Variants in CNNM2 observed in about 807,000 individuals in gnomAD.
CNNM2 encodes the protein cyclin and CBS domain divalent metal cation transport mediator 2, also known as metal transporter CNNM2.
CNNM2 carries 12 observed loss-of-function variants against 66.9 expected under a neutral mutation model. The ratio of observed to expected loss-of-function variants is 0.18; its 90% CI spans 0.11 to 0.29. The LOEUF is 0.29. Ranked by LOEUF, CNNM2 falls within the 10% of genes least tolerant of loss-of-function variation. CNNM2 has a pLI of 1.00. For synonymous variants in CNNM2, 557 were observed against 501.8 expected, an observed-to-expected ratio of 1.11 and a Z score of -1.47; for missense variants, 705 against 1,167.7, an observed-to-expected ratio of 0.60 and a Z score of 5.77.
intron 1 of CNNM2, among the ~76,000 whole-genome samples, chr10:103,026,128 C>G (rs1411301662): frequency 6.6e-6 from 1 of 152,232 alleles, no homozygotes; most frequent in Non-Finnish European, 1.5e-5. Flanking sequence ...CTCAATCTTG[C>G]ACTTCCCAGC....
chr10:102,947,140 T>C (rs1035601883), intron 1 of CNNM2, among the ~76,000 whole-genome samples: 2 of 152,192 alleles, frequency 1.3e-5, no homozygotes, highest in Admixed American at 1.3e-4. Flanking sequence ...TCCAGTCATA[T>C]GTTTTGTAAT....
intron 5 of CNNM2, among the ~76,000 whole-genome samples, chr10:103,071,174 C>T (rs1379621197): frequency 1.3e-5 from 2 of 152,190 alleles, no homozygotes; most frequent in Admixed American, 1.3e-4. Flanking sequence ...ATTTCATGTT[C>T]TGAGACTTTT....
At chr10:103,022,143 G>A (rs1293561693) in intron 1 of CNNM2, among the ~76,000 whole-genome samples, 2 of 152,140 alleles carry the variant, frequency 1.3e-5, no homozygotes, top group Admixed American at 6.6e-5. Context: ...TTTCTACCGC[G>A]TCAGCTGGGC....
At chr10:102,992,054 T>C (rs1406147592) in intron 1 of CNNM2, among the ~76,000 whole-genome samples, 2 of 152,210 alleles carry the variant, frequency 1.3e-5, no homozygotes, top group Non-Finnish European at 2.9e-5. Context: ...GATATGTACA[T>C]GCTGATGTAT....
chr10:102,946,942 A>G (rs1295298851), intron 1 of CNNM2, among the ~76,000 whole-genome samples: 2 of 152,150 alleles, frequency 1.3e-5, no homozygotes, highest in Non-Finnish European at 2.9e-5. Flanking sequence ...GTTAGTATCC[A>G]TTTTTTCCCC....
intron 1 of CNNM2, among the ~76,000 whole-genome samples, chr10:102,957,250 G>T (rs1256578630): frequency 2.0e-5 from 3 of 152,190 alleles, no homozygotes; most frequent in Admixed American, 6.5e-5. Flanking sequence ...AGGTTGCAGT[G>T]AGCCGAGATT....
Position 103,054,862 on chromosome 10 carries a change from A to G in CNNM2, c.1903+396A>G, listed in dbSNP as rs982137640. 7.9e-5 allele frequency among the ~76,000 whole-genome samples: 12 copies of G among 152,222 alleles called. No homozygotes were observed. The highest frequency in any genetic ancestry group is 2.7e-4 in the African/African-American group (11 of 41,456). ...CTGGCACCAGCTTGTTTGATGGACA[A>G]TTGAGTCCAATCTCTCTTCAGCTTG... On this transcript the variant is annotated intron_variant, in intron 3 of 7. Transcript: ENST00000369878. This position sits in a 1 kb window ranked among gnomAD's most constrained non-coding sequence, Gnocchi z 5.2.
At chr10:102,988,307 A>G (rs961035001) in intron 1 of CNNM2, among the ~76,000 whole-genome samples, 22 of 151,912 alleles carry the variant, frequency 1.4e-4, no homozygotes, top group Admixed American at 1.2e-3. Flanking sequence ...TTTCAAAAAA[A>G]TAATAATAGA....
At chr10:103,032,456 G>T (rs1461478710) in intron 1 of CNNM2, among the ~76,000 whole-genome samples, 1 of 151,306 alleles carries the variant, frequency 6.6e-6, no homozygotes, top group Non-Finnish European at 1.5e-5. Flanking sequence ...ATCTCAAAAA[G>T]AAAAAAAGAA....
chr10:103,011,047 G>A (rs772199530), intron 1 of CNNM2, among the ~76,000 whole-genome samples: 16 of 152,106 alleles, frequency 1.1e-4, no homozygotes, highest in Non-Finnish European at 2.2e-4. Flanking sequence ...CTTTAAGCAG[G>A]GACTATATAT....
intron 1 of CNNM2, among the ~76,000 whole-genome samples, chr10:102,930,125 A>G (rs755222451): frequency 6.6e-6 from 1 of 152,210 alleles, no homozygotes; most frequent in African/African-American, 2.4e-5. Flanking sequence ...AATTGGAAGT[A>G]AATATCTAAC....
At chr10:102,939,788 T>A (rs1182838634) in intron 1 of CNNM2, among the ~76,000 whole-genome samples, 1 of 152,046 alleles carries the variant, frequency 6.6e-6, no homozygotes, top group Admixed American at 6.5e-5. Context: ...ATGACCAACA[T>A]GGTGAAACAC....
At chr10:102,931,593 G>A (rs950383184) in intron 1 of CNNM2, among the ~76,000 whole-genome samples, 1 of 152,128 alleles carries the variant, frequency 6.6e-6, no homozygotes, top group Admixed American at 6.5e-5. Context: ...TCTTCCTCAG[G>A]TGATCCATCC....
chr10:102,974,882 G>C (rs2063601554), intron 1 of CNNM2, among the ~76,000 whole-genome samples: 1 of 152,200 alleles, frequency 6.6e-6, no homozygotes, highest in East Asian at 1.9e-4. Flanking sequence ...ATCAAGTCTT[G>C]GTCAATTCTG....
At chr10:102,944,755 A>G (rs1391353067) in intron 1 of CNNM2, among the ~76,000 whole-genome samples, 2 of 152,136 alleles carry the variant, frequency 1.3e-5, no homozygotes, top group Non-Finnish European at 2.9e-5. Context: ...CACCCACGAA[A>G]TTTAATGTCA....
chr10:102,948,971 C>A (rs1400280832), intron 1 of CNNM2, among the ~76,000 whole-genome samples: 2 of 152,208 alleles, frequency 1.3e-5, no homozygotes, highest in African/African-American at 2.4e-5. Context: ...GTAGACCTGG[C>A]ACTGGAAGCT....
chr10:103,089,156 TA>T lies in CNNM2; in HGVS notation c.*11979del. 4.4e-6 allele frequency: 1 copy of T among 226,378 alleles called. No individual in the cohort carries two copies. Among genetic ancestry groups the T allele is most frequent in the Non-Finnish European group, 8.8e-6 (1 of 113,784 alleles). The allele number at this position is 226,378 out of a possible 1,614,324, so 14.0% of individuals were successfully genotyped here. A position where few individuals can be genotyped will look rare whatever the true frequency, so the allele number is the denominator to read the frequency against. ...CTTGCCAGAGTCACTGAGGATGAAT[TA>T]AAGGCTTATAAAAGAAAACTTGACC... is the stretch of plus-strand genomic sequence containing the variant. On this transcript the variant is annotated 3_prime_UTR_variant, in exon 8 of 8. Coordinates refer to ENST00000369878, the MANE Select transcript of CNNM2 (RefSeq NM_017649.5).
intron 1 of CNNM2, among the ~76,000 whole-genome samples, chr10:103,041,720 G>A (rs2065043497): frequency 6.6e-6 from 1 of 152,136 alleles, no homozygotes; most frequent in Non-Finnish European, 1.5e-5. Flanking sequence ...ACTTTTGACT[G>A]CTTTCTGCTA....
intron 1 of CNNM2, among the ~76,000 whole-genome samples, chr10:103,014,697 C>T (rs192248864): frequency 7.2e-5 from 11 of 152,190 alleles, no homozygotes; most frequent in East Asian, 1.9e-4. Context: ...GATGCTCAAG[C>T]GCTTTTACAT....
Sources: gnomAD v4.1 joint callset for allele counts (sites outside exome capture counted in the v4.1 genomes callset) on GRCh38, gnomAD v4.1.1 for gene constraint, Gnocchi (gnomAD v3.1) non-coding constraint, MANE v1.5 for transcripts, NCBI Gene and HGNC (gene_info 2026-07-23, HGNC 2026-07-21) for gene names.